EPHA7: variants seen among roughly 807,000 people sequenced by gnomAD.
EPHA7 encodes the protein ephrin type-A receptor 7.
A neutral mutation model predicts 112.6 loss-of-function variants in EPHA7; 25 were observed. The observed-to-expected ratio is 0.22, with a 90% CI of 0.16 to 0.31. The LOEUF (loss-of-function observed/expected upper bound fraction) is 0.31, where lower values mean the gene tolerates loss of function less well. EPHA7 is among the 10% of genes least tolerant of loss of function. EPHA7 has a pLI of 1.00. For missense variants in EPHA7, 962 were observed against 1,212.6 expected, an observed-to-expected ratio of 0.79 and a Z score of 3.07; for synonymous variants, 437 against 406.5, an observed-to-expected ratio of 1.07 and a Z score of -0.90.
intron 3 of EPHA7, among the ~76,000 whole-genome samples, chr6:93,379,733 A>G (rs1777241695): frequency 6.6e-6 from 1 of 152,002 alleles, no homozygotes; most frequent in Non-Finnish European, 1.5e-5. Flanking sequence ...GGGAAATAAA[A>G]GCGTTCTTGA....
intron 14 of EPHA7, among the ~76,000 whole-genome samples, chr6:93,249,722 C>T (rs929908240): frequency 5.3e-5 from 8 of 152,070 alleles, no homozygotes; most frequent in East Asian, 3.9e-4. Context: ...CAATGTAAGT[C>T]GAGTGATCTT....
At chr6:93,368,127 A>T (rs1474000622) in intron 3 of EPHA7, among the ~76,000 whole-genome samples, 3 of 152,162 alleles carry the variant, frequency 2.0e-5, no homozygotes, top group Admixed American at 1.3e-4. Flanking sequence ...TATCCTTTTG[A>T]CCACTGGCTT....
chr6:93,392,441 A>G (rs1777957600), intron 3 of EPHA7, among the ~76,000 whole-genome samples: 1 of 151,984 alleles, frequency 6.6e-6, no homozygotes, highest in Non-Finnish European at 1.5e-5. Context: ...CTCCAGATCG[A>G]CACAAAAGAA....
At chr6:93,347,219 T>A (rs528377723) in intron 5 of EPHA7, among the ~76,000 whole-genome samples, 3 of 151,984 alleles carry the variant, frequency 2.0e-5, no homozygotes, top group South Asian at 4.1e-4. Context: ...TTTGACAAAC[T>A]TACCCAAGCT....
At chr6:93,313,173 C>T (rs931727358) in intron 5 of EPHA7, among the ~76,000 whole-genome samples, 2 of 152,004 alleles carry the variant, frequency 1.3e-5, no homozygotes, top group Non-Finnish European at 2.9e-5. Flanking sequence ...GCCTTCAATT[C>T]GTAAAAAATG....
chr6:93,325,025 G>T (rs951623306), intron 5 of EPHA7, among the ~76,000 whole-genome samples: 2 of 151,114 alleles, frequency 1.3e-5, no homozygotes, highest in Non-Finnish European at 3.0e-5. Context: ...TCTAAAACTG[G>T]GGTTATGTAG....
In EPHA7 at chr6:93,319,658, C is replaced by A. The variant is rs923706892; in HGVS notation, c.1324+37059G>T. ...TGTGATTGAGAACTGGATGTAGAGTCAAGTATAGAACAACGAAGACCTACT... is the reference window on the plus strand; with the variant it reads ...TGTGATTGAGAACTGGATGTAGAGTAAAGTATAGAACAACGAAGACCTACT... On this transcript the variant is annotated intron_variant, in intron 5 of 16. Transcript: ENST00000369303. 3.9e-5 allele frequency among the ~76,000 whole-genome samples: 6 copies of A among 152,078 alleles called. No individual in the cohort carries two copies. The South Asian group carries it at 6.2e-4, about 16-fold the overall frequency.
At chr6:93,395,889 C>T (rs941097946) in intron 3 of EPHA7, among the ~76,000 whole-genome samples, 10 of 151,856 alleles carry the variant, frequency 6.6e-5, no homozygotes, top group Non-Finnish European at 1.2e-4. Flanking sequence ...ACAACAAAGA[C>T]CCTCTCTGAG....
At chr6:93,274,062 T>C (rs1771356130) in intron 5 of EPHA7, among the ~76,000 whole-genome samples, 1 of 152,016 alleles carries the variant, frequency 6.6e-6, no homozygotes. Flanking sequence ...CATACTGAGT[T>C]ACCCAGGAGT....
rs1226792925 is a variant in EPHA7, at chr6:93,246,782, C to T, written c.2726+10G>A. On this transcript the variant is annotated intron_variant, in intron 15 of 16. Coordinates refer to ENST00000369303, the MANE Select transcript of EPHA7 (RefSeq NM_004440.4). ...TTCTCCCAGATTCCATTCCCTTAGG[C>T]ATTTCTTACCTACTACAAGTTCCCA... The T allele has an allele frequency of 6.3e-7, 1 of 1,588,970 alleles. No homozygotes were observed. Among genetic ancestry groups the T allele is most frequent in the East Asian group, 2.3e-5 (1 of 44,294 alleles).
At chr6:93,405,330 T>C (rs1395462682) in intron 3 of EPHA7, among the ~76,000 whole-genome samples, 3 of 151,932 alleles carry the variant, frequency 2.0e-5, no homozygotes, top group Admixed American at 2.0e-4. Flanking sequence ...TTATTATCAA[T>C]AATTAAAATT....
intron 5 of EPHA7, among the ~76,000 whole-genome samples, chr6:93,352,580 A>AAAGT (rs1169899807): frequency 5.9e-5 from 9 of 152,202 alleles, no homozygotes; most frequent in Admixed American, 5.9e-4. Flanking sequence ...ACATTATAAT[A>AAAGT]AAGTGTTCTA....
chr6:93,375,442 T>A (rs1241017255), intron 3 of EPHA7, among the ~76,000 whole-genome samples: 1 of 151,282 alleles, frequency 6.6e-6, no homozygotes, highest in African/African-American at 2.4e-5. Flanking sequence ...ATGGTGAAAC[T>A]CTCTTTCTAA....
At chr6:93,317,394 C>T (rs1357665733) in intron 5 of EPHA7, among the ~76,000 whole-genome samples, 1 of 152,092 alleles carries the variant, frequency 6.6e-6, no homozygotes, top group Non-Finnish European at 1.5e-5. Context: ...AGTTCTTCAA[C>T]AAGTAAAGGT....
At chr6:93,287,207 T>C (rs1309620712) in intron 5 of EPHA7, among the ~76,000 whole-genome samples, 1 of 152,168 alleles carries the variant, frequency 6.6e-6, no homozygotes, top group African/African-American at 2.4e-5. Flanking sequence ...GAAAATAAAA[T>C]TGTTTCTCAA....
chr6:93,319,851 T>C (rs1190060281), intron 5 of EPHA7, among the ~76,000 whole-genome samples: 3 of 152,112 alleles, frequency 2.0e-5, no homozygotes, highest in Non-Finnish European at 4.4e-5. Context: ...TTATACCCTT[T>C]ATTTAATAAT....
chr6:93,293,687 T>C (rs181475103), intron 5 of EPHA7, among the ~76,000 whole-genome samples: 1 of 152,320 alleles, frequency 6.6e-6, no homozygotes, highest in Non-Finnish European at 1.5e-5. Flanking sequence ...ACAGGTCAGA[T>C]GCTAACTCGA....
intron 16 of EPHA7, among the ~76,000 whole-genome samples, chr6:93,244,776 T>C (rs1305353110): frequency 2.0e-5 from 3 of 152,186 alleles, no homozygotes; most frequent in African/African-American, 7.2e-5. Context: ...TTTGATCTCT[T>C]CAGAAATAAT....
At chr6:93,269,763 A>C in intron 6 of EPHA7, 103 bp from the exon 7 acceptor site, 1 of 920,490 alleles carries the variant, frequency 1.1e-6, no homozygotes, top group South Asian at 1.9e-5. Flanking sequence ...GTTTTTATAG[A>C]GGCTACATTG....
Sources: allele counts gnomAD v4.1 joint callset (sites outside exome capture counted in the v4.1 genomes callset), GRCh38; gene constraint gnomAD v4.1.1; transcripts MANE v1.5; gene names NCBI Gene and HGNC (gene_info 2026-07-23, HGNC 2026-07-21).